The following ARSG variants were observed in gnomAD, a reference collection of about 807,000 sequenced individuals.
ARSG encodes the protein arylsulfatase G.
In ARSG, 37 loss-of-function variants were observed where a neutral mutation model predicts 50.5. The observed-to-expected ratio is 0.73, with a 90% CI of 0.56 to 0.96. ARSG has a LOEUF of 0.96. Among genes scored for constraint, ARSG ranks in the 50% least tolerant of loss-of-function variants. The pLI, the probability that ARSG is intolerant of heterozygous loss-of-function variation, is 0.00. For missense variants in ARSG, 629 were observed against 675.3 expected (o/e 0.93, Z 0.76); for synonymous variants, 225 against 254.6 (o/e 0.88, Z 1.11).
intron 4 of ARSG, among the ~76,000 whole-genome samples, chr17:68,349,529 A>G (rs1441110053): frequency 6.6e-6 from 1 of 152,104 alleles, no homozygotes; most frequent in Non-Finnish European, 1.5e-5. Context: ...TTGTGTACCT[A>G]GGGGGTAGCT....
At chr17:68,439,857 C>A in the ARSG span, among the ~76,000 whole-genome samples, 1 of 152,122 alleles carries the variant, frequency 6.6e-6, no homozygotes, top group Non-Finnish European at 1.5e-5. Context: ...GCCAAGCCTT[C>A]GTTTCTTACT....
At chr17:68,361,774 G>A (rs1026421990) in intron 6 of ARSG, among the ~76,000 whole-genome samples, 23 of 151,902 alleles carry the variant, frequency 1.5e-4, no homozygotes, top group Middle Eastern at 3.4e-3. Flanking sequence ...AAAATTAGCC[G>A]GTCATGGTGG....
rs377188269 is a variant in ARSG, at chr17:68,395,101, G to C, written c.1120G>C (p.Ala374Pro). The part of the protein sequence containing the change: ...SVLDIFPTVV[A>P]LAQASLPQGR... ...GCTGGACATTTTTCCAACTGTGGTA[G>C]CCCTGGCCCAGGCCAGCTTACCTCA... Residue 374 changes from alanine (A) to proline (P), a missense_variant, in exon 10 of 12, where the codon GCC becomes CCC. Physicochemically the swap from Ala to Pro is conservative, Grantham distance 27. Coordinates refer to ENST00000621439, the MANE Select transcript of ARSG (RefSeq NM_001267727.2). 27 of 1,613,988 alleles carry C rather than the reference G, an allele frequency of 1.7e-5. No individual in the cohort carries two copies. The African/African-American group carries it at 3.5e-4, about 21-fold the overall frequency.
the ARSG span, among the ~76,000 whole-genome samples, chr17:68,432,791 C>A: frequency 6.6e-6 from 1 of 152,162 alleles, no homozygotes; most frequent in Non-Finnish European, 1.5e-5. Context: ...AGCGCTCTTT[C>A]TCTAGAATCC....
chr17:68,403,233 G>C (rs1175045544), intron 11 of ARSG, among the ~76,000 whole-genome samples: 2 of 152,142 alleles, frequency 1.3e-5, no homozygotes, highest in Admixed American at 1.3e-4. Flanking sequence ...AAGAGGTATG[G>C]GACCTCCAGG....
At chr17:68,334,970 A>C (rs1469368125) in intron 2 of ARSG, among the ~76,000 whole-genome samples, 1 of 152,170 alleles carries the variant, frequency 6.6e-6, no homozygotes, top group Non-Finnish European at 1.5e-5. Context: ...AATGGGAGGC[A>C]TGTCAAAGCA....
chr17:68,426,240 G>GGTC (rs1555798442), downstream of ARSG: 1 of 1,131,342 alleles, frequency 8.8e-7, no homozygotes, highest in Non-Finnish European at 1.3e-6. Context: ...TGACCTGGCG[G>GGTC]GTGGGGAGCG....
At chr17:68,285,371 T>C (rs1375423922) in intron 1 of ARSG, among the ~76,000 whole-genome samples, 2 of 152,194 alleles carry the variant, frequency 1.3e-5, no homozygotes, top group Non-Finnish European at 2.9e-5. Context: ...CACTGCAGCC[T>C]CAAAACTCCT....
intron 3 of ARSG, chr17:68,346,714 C>A: frequency 8.1e-7 from 1 of 1,232,258 alleles, no homozygotes. Flanking sequence ...AGGAAGCGGG[C>A]ATTTCTGAGA....
At chr17:68,261,136 ACTCTCTTGAACTGTAACTGT>A (rs1331212112) in intron 1 of ARSG, among the ~76,000 whole-genome samples, 9 of 151,960 alleles carry the variant, frequency 5.9e-5, no homozygotes, top group Admixed American at 5.9e-4. Context: ...AGCAGCACAG[ACTCTCTTGAACTGTAACTGT>A]CAATAGATAA....
In ARSG at chr17:68,341,913, C is replaced by CCGG. The variant is rs1568490518; in HGVS notation, c.219-1691_219-1690insCGG. On this transcript the variant is annotated intron_variant, in intron 2 of 11. Coordinates refer to ENST00000621439, the MANE Select transcript of ARSG (RefSeq NM_001267727.2). ...TGGCTCACTGCAACCTCCAACCCCT[C>CCGG]GGTTCAAGCGATTCTCCTGCCTCAG... is the stretch of plus-strand genomic sequence containing the variant. Among the ~76,000 whole-genome samples, 117 of 152,044 alleles carry CCGG rather than the reference C, an allele frequency of 7.7e-4. 1 individual carries two copies. Among genetic ancestry groups the CCGG allele is most frequent in the African/African-American group, 2.6e-3 (108 of 41,488 alleles).
chr17:68,420,448 C>T lies in ARSG; in HGVS notation c.1563C>T (p.Arg521=). Residue 521 remains arginine, a synonymous_variant, in exon 12 of 12, where the codon CGC becomes CGT. Transcript: ENST00000621439. ...PCCNPYQIAC[R]CQAA Reference sequence around the variant, plus strand: ...GTAATCCCTACCAAATTGCCTGCCGCTGTCAAGCCGCATAACAGACCAATT... The same window carrying T: ...GTAATCCCTACCAAATTGCCTGCCGTTGTCAAGCCGCATAACAGACCAATT... The T allele has an allele frequency of 6.2e-7, 1 of 1,614,050 alleles. No homozygotes were observed. Among genetic ancestry groups the T allele is most frequent in the Non-Finnish European group, 8.5e-7 (1 of 1,179,862 alleles).
chr17:68,308,600 C>A lies in ARSG; in HGVS notation c.218+889C>A, dbSNP rs539822444. On this transcript the variant is annotated intron_variant, in intron 2 of 11. Transcript: ENST00000621439. ...TGCAGAGAGCGAAAGAACAAAGCTT[C>A]CACAGTGTGGAAAGGGACCTGAGCG... 1.5e-4 allele frequency among the ~76,000 whole-genome samples: 23 copies of A among 152,330 alleles called. 1 individual carries two copies. The South Asian group carries it at 4.4e-3, about 29-fold the overall frequency.
intron 1 of ARSG, among the ~76,000 whole-genome samples, chr17:68,275,317 G>A (rs549680365): frequency 1.2e-4 from 18 of 152,262 alleles, no homozygotes; most frequent in Admixed American, 7.9e-4. Context: ...ACAACAACAT[G>A]CTAGAAAAGG....
chr17:68,366,800 A>G (rs1372140387), intron 6 of ARSG, among the ~76,000 whole-genome samples: 1 of 152,156 alleles, frequency 6.6e-6, no homozygotes, highest in Non-Finnish European at 1.5e-5. Flanking sequence ...CGCATTAAAC[A>G]TTCACTTTGT....
At chr17:68,305,983 T>G (rs2076591337) in intron 1 of ARSG, among the ~76,000 whole-genome samples, 1 of 151,766 alleles carries the variant, frequency 6.6e-6, no homozygotes, top group African/African-American at 2.4e-5. Context: ...GGCTGAGGCA[T>G]GAGAATTTCT....
At chr17:68,345,000 G>A (rs2078441663) in intron 3 of ARSG, among the ~76,000 whole-genome samples, 1 of 152,182 alleles carries the variant, frequency 6.6e-6, no homozygotes, top group Non-Finnish European at 1.5e-5. Context: ...TCCCAGAAGG[G>A]GTAAGTCCCA....
At chr17:68,362,880 A>G (rs944620406) in intron 6 of ARSG, among the ~76,000 whole-genome samples, 2 of 152,100 alleles carry the variant, frequency 1.3e-5, no homozygotes, top group African/African-American at 2.4e-5. Context: ...GGTGGAAATC[A>G]TATCTATTGT....
intron 1 of ARSG, among the ~76,000 whole-genome samples, chr17:68,294,365 G>T (rs1214558761): frequency 6.6e-6 from 1 of 152,174 alleles, no homozygotes; most frequent in Non-Finnish European, 1.5e-5. Context: ...CTCTGTCCAC[G>T]TTTATAGTCC....
Sources: gnomAD v4.1 joint callset for allele counts (sites outside exome capture counted in the v4.1 genomes callset) on GRCh38, gnomAD v4.1.1 for gene constraint, MANE v1.5 for transcripts, NCBI Gene and HGNC (gene_info 2026-07-23, HGNC 2026-07-21) for gene names.